The following NRF1 variants were observed in gnomAD, a reference collection of about 807,000 sequenced individuals.
NRF1 encodes nuclear respiratory factor 1.
NRF1 carries 5 observed loss-of-function variants against 58.5 expected under a neutral mutation model. The ratio of observed to expected loss-of-function variants is 0.09; its 90% CI spans 0.04 to 0.18. The LOEUF (loss-of-function observed/expected upper bound fraction) is 0.18, where lower values mean the gene tolerates loss of function less well. Ranked by LOEUF, NRF1 falls within the 10% of genes least tolerant of loss-of-function variation. The pLI, the probability that NRF1 is intolerant of heterozygous loss-of-function variation, is 1.00. For synonymous variants in NRF1, 224 were observed against 246.7 expected (o/e 0.91, Z 0.86); for missense variants, 288 against 657.7 (o/e 0.44, Z 6.15).
Position 129,755,298 on chromosome 7 carries a change from CTTTT to C in NRF1, c.*125_*128del. ...ACTTTGGAAGGAAAGTTTTGTTAACCTTTTTTTTTTTAAAAGGAAGAAAGCGGAT... is the reference window on the plus strand; with the variant it reads ...ACTTTGGAAGGAAAGTTTTGTTAACCTTTTTTTAAAAGGAAGAAAGCGGAT... On this transcript the variant is annotated 3_prime_UTR_variant, in exon 11 of 11. Coordinates refer to ENST00000393232, the MANE Select transcript of NRF1 (RefSeq NM_005011.5). The surrounding 1 kb of genome is among the most constrained non-coding windows in gnomAD (Gnocchi z 5.8). The C allele has an allele frequency of 1.3e-6, 1 of 764,886 alleles. No individual in the cohort carries two copies. The highest frequency in any genetic ancestry group is 1.8e-6 in the Non-Finnish European group (1 of 563,466). 47.4% of individuals were successfully genotyped at this position (764,886 alleles called of 1,614,324 possible).
chr7:129,721,605 C>G (rs549968111), intron 9 of NRF1, among the ~76,000 whole-genome samples: 4 of 151,982 alleles, frequency 2.6e-5, no homozygotes, highest in African/African-American at 7.2e-5. Flanking sequence ...CCTCGGTCTC[C>G]CAAGTAGCTG....
rs182901762 is a variant in NRF1 at position 129,636,800 on chromosome 7, A to G, written c.-6-20546A>G. Among the ~76,000 whole-genome samples, 5 of 152,324 alleles carry G rather than the reference A, an allele frequency of 3.3e-5. No homozygotes were observed. The East Asian group carries it at 9.6e-4, about 29-fold the overall frequency. ...TGGCTAAACATAAACCTTAGACAAT[A>G]GAAAAACGTATTCATTTGCAAAGCT... On this transcript the variant is annotated intron_variant, in intron 1 of 10. Coordinates refer to ENST00000393232, the MANE Select transcript of NRF1 (RefSeq NM_005011.5).
At chr7:129,749,538 G>A (rs758688119) in intron 10 of NRF1, among the ~76,000 whole-genome samples, 4 of 151,866 alleles carry the variant, frequency 2.6e-5, no homozygotes, top group Non-Finnish European at 4.4e-5. Context: ...GCTGCTTGAC[G>A]AGGAAATCTT....
chr7:129,624,246 T>C (rs1213716819), intron 1 of NRF1, among the ~76,000 whole-genome samples: 1 of 152,194 alleles, frequency 6.6e-6, no homozygotes, highest in Non-Finnish European at 1.5e-5. Flanking sequence ...CGTTTTTCCT[T>C]CATCATAGGT....
intron 9 of NRF1, among the ~76,000 whole-genome samples, chr7:129,722,593 T>C (rs797022388): frequency 9.2e-5 from 14 of 152,290 alleles, no homozygotes; most frequent in African/African-American, 3.4e-4. Context: ...CCCCATTGCA[T>C]TGGACCCCTC....
At position 129,741,376 on chromosome 7, in the gene NRF1, C is replaced by T. The variant is rs557320219; in HGVS notation, c.1349-13642C>T. On this transcript the variant is annotated intron_variant, in intron 10 of 10. Coordinates refer to ENST00000393232, the MANE Select transcript of NRF1 (RefSeq NM_005011.5). The surrounding 1 kb of genome is among the most constrained non-coding windows in gnomAD (Gnocchi z 4.0). ...CTTCCCTTTAGGTCCGCAGATCTTT[C>T]GGAGTCTTTGTATGTAAAGGCAGAT... 1.1e-4 allele frequency among the ~76,000 whole-genome samples: 16 copies of T among 152,276 alleles called. No homozygotes were observed. The East Asian group carries it at 2.1e-3, about 20-fold the overall frequency.
At chr7:129,749,679 G>A (rs915327707) in intron 10 of NRF1, among the ~76,000 whole-genome samples, 1 of 152,080 alleles carries the variant, frequency 6.6e-6, no homozygotes, top group Non-Finnish European at 1.5e-5. Flanking sequence ...CTCCCTTCTG[G>A]ATCCTTCCTG....
chr7:129,735,761 C>A (rs1391892600), intron 10 of NRF1, among the ~76,000 whole-genome samples: 1 of 152,120 alleles, frequency 6.6e-6, no homozygotes, highest in African/African-American at 2.4e-5. Context: ...GTAATCCCAG[C>A]ACTTTGGGAG....
chr7:129,696,596 G>A (rs967032719), intron 5 of NRF1, among the ~76,000 whole-genome samples: 3 of 152,186 alleles, frequency 2.0e-5, no homozygotes, highest in African/African-American at 4.8e-5. Context: ...CTTCCTTGAA[G>A]TGATAAAATT....
chr7:129,730,177 A>T (rs115022542), intron 10 of NRF1, among the ~76,000 whole-genome samples: 2,301 of 150,882 alleles, frequency 0.015, 53 homozygotes, highest in African/African-American at 0.053. Context: ...AGTAGGTCAC[A>T]TTTTTTTTTA....
intron 5 of NRF1, among the ~76,000 whole-genome samples, chr7:129,699,530 A>G (rs1053187201): frequency 6.6e-6 from 1 of 152,004 alleles, no homozygotes; most frequent in African/African-American, 2.4e-5. Context: ...CCTCATCAAC[A>G]TGGTGAAACC....
chr7:129,723,215 G>A (rs1219958087), intron 9 of NRF1, among the ~76,000 whole-genome samples: 1 of 151,972 alleles, frequency 6.6e-6, no homozygotes, highest in African/African-American at 2.4e-5. Flanking sequence ...AGGCCGAGGC[G>A]GGTGGATCAC....
At chr7:129,707,074 T>G (rs7780953) in intron 5 of NRF1, among the ~76,000 whole-genome samples, 1 of 152,116 alleles carries the variant, frequency 6.6e-6, no homozygotes, top group Non-Finnish European at 1.5e-5. Flanking sequence ...GCTCACTGCA[T>G]CCTTGACCTC....
intron 9 of NRF1, among the ~76,000 whole-genome samples, chr7:129,723,329 G>C (rs1437431799): frequency 6.6e-6 from 1 of 151,958 alleles, no homozygotes; most frequent in African/African-American, 2.4e-5. Flanking sequence ...TGTAATCCCA[G>C]CTACTCGGGA....
intron 5 of NRF1, among the ~76,000 whole-genome samples, chr7:129,693,384 A>G (rs1301875279): frequency 1.3e-5 from 2 of 152,208 alleles, no homozygotes; most frequent in Non-Finnish European, 2.9e-5. Context: ...TTCTGTGGAC[A>G]CTGGAAGGAT....
intron 4 of NRF1, among the ~76,000 whole-genome samples, chr7:129,685,888 C>G (rs1397115687): frequency 2.0e-5 from 3 of 151,556 alleles, no homozygotes; most frequent in African/African-American, 7.3e-5. Flanking sequence ...GTGGGCAGAT[C>G]ACTTGAGGTC....
intron 9 of NRF1, among the ~76,000 whole-genome samples, chr7:129,718,107 G>A (rs898569134): frequency 1.3e-5 from 2 of 152,170 alleles, no homozygotes; most frequent in South Asian, 4.1e-4. Flanking sequence ...TCTGAAACTC[G>A]ATTGTATTAT....
chr7:129,626,577 G>GCC (rs1285873090), intron 1 of NRF1, among the ~76,000 whole-genome samples: 1 of 152,200 alleles, frequency 6.6e-6, no homozygotes, highest in Non-Finnish European at 1.5e-5. Context: ...AAGTCATACT[G>GCC]CGTAGTGCAT....
At chr7:129,722,807 G>A (rs1250920512) in intron 9 of NRF1, among the ~76,000 whole-genome samples, 1 of 152,194 alleles carries the variant, frequency 6.6e-6, no homozygotes, top group Non-Finnish European at 1.5e-5. Context: ...AACTCATTCT[G>A]CCAGAGTGTG....
Sources: allele counts gnomAD v4.1 joint callset (sites outside exome capture counted in the v4.1 genomes callset), GRCh38; gene constraint gnomAD v4.1.1; non-coding constraint Gnocchi (gnomAD v3.1); transcripts MANE v1.5; gene names NCBI Gene and HGNC (gene_info 2026-07-23, HGNC 2026-07-21).